Variants in TMX4 observed in about 807,000 individuals in gnomAD.
TMX4 encodes the protein thioredoxin-related transmembrane protein 4.
Under a neutral mutation model 33.3 loss-of-function variants are expected in TMX4, and 23 were observed. That is an observed-to-expected ratio of 0.69 (90% CI 0.50 to 0.98). The LOEUF (loss-of-function observed/expected upper bound fraction) is 0.98. TMX4 is among the 50% of genes least tolerant of loss of function. TMX4 has a pLI of 0.00. For synonymous variants in TMX4, 164 were observed against 161.5 expected, an observed-to-expected ratio of 1.02 and a Z score of -0.12; for missense variants, 399 against 448.9, an observed-to-expected ratio of 0.89 and a Z score of 1.01.
chr20:8,011,515 T>C (rs1015504228), intron 1 of TMX4, among the ~76,000 whole-genome samples: 1 of 151,766 alleles, frequency 6.6e-6, no homozygotes, highest in South Asian at 2.1e-4. Context: ...TAAACCAACT[T>C]TGCTGAATAA....
intron 6 of TMX4, among the ~76,000 whole-genome samples, chr20:7,985,186 GTTTAC>G (rs989374494): frequency 5.3e-5 from 8 of 150,752 alleles, no homozygotes; most frequent in African/African-American, 1.7e-4. Context: ...GCAGTTGTGT[GTTTAC>G]TTTAATATAC....
chr20:8,008,842 T>C (rs565089517), intron 2 of TMX4, among the ~76,000 whole-genome samples: 2 of 152,338 alleles, frequency 1.3e-5, no homozygotes, highest in South Asian at 2.1e-4. Context: ...TAGCTTTTAT[T>C]GTCCATCTCT....
chr20:8,009,289 G>T (rs1049149997), intron 2 of TMX4, among the ~76,000 whole-genome samples: 1 of 151,896 alleles, frequency 6.6e-6, no homozygotes, highest in African/African-American at 2.4e-5. Context: ...CCACTCTTTG[G>T]GGTAAAAATG....
intron 5 of TMX4, among the ~76,000 whole-genome samples, chr20:7,992,772 C>T (rs924574753): frequency 6.6e-6 from 1 of 152,166 alleles, no homozygotes; most frequent in Non-Finnish European, 1.5e-5. Flanking sequence ...ACCCAAGCCC[C>T]TTAAGGAATC....
At chr20:7,997,879 T>C (rs77166379) in intron 4 of TMX4, among the ~76,000 whole-genome samples, 2,085 of 152,272 alleles carry the variant, frequency 0.014, 55 homozygotes, top group East Asian at 0.064. Context: ...GAGTGGATCA[T>C]GGGGGCGGAT....
rs1568534252 is a variant in TMX4, at chr20:7,989,566, G to A, written c.514-2177C>T. ...TCTTGTATCAATTTCCTCTTTAACG[G>A]AATTTGAGTTTCTTGGAGAAACTCT... On this transcript the variant is annotated intron_variant, in intron 5 of 7. Transcript: ENST00000246024. Among the ~76,000 whole-genome samples, 3 of 151,898 alleles carry A rather than the reference G, an allele frequency of 2.0e-5. No individual in the cohort carries two copies. The South Asian group carries it at 6.2e-4, about 32-fold the overall frequency.
chr20:8,014,601 T>C (rs927526796), intron 1 of TMX4, among the ~76,000 whole-genome samples: 1 of 152,184 alleles, frequency 6.6e-6, no homozygotes, highest in Admixed American at 6.5e-5. Context: ...TCAATAAATG[T>C]GTAATTACTG....
intron 5 of TMX4, among the ~76,000 whole-genome samples, chr20:7,992,272 A>C (rs2050658396): frequency 6.6e-6 from 1 of 152,240 alleles, no homozygotes; most frequent in Admixed American, 6.5e-5. Flanking sequence ...CAGTGACTCC[A>C]TCTGTGAGAT....
At chr20:8,002,898 A>T (rs76465546) in intron 2 of TMX4, among the ~76,000 whole-genome samples, 2,090 of 152,328 alleles carry the variant, frequency 0.014, 54 homozygotes, top group East Asian at 0.065. Flanking sequence ...TAAAAGTCAA[A>T]GTCACAAAAA....
chr20:7,987,163 T>C (rs2050634310), intron 6 of TMX4, 125 bp downstream of exon 6: 3 of 670,778 alleles, frequency 4.5e-6, no homozygotes, highest in Non-Finnish European at 7.6e-6. Context: ...AAGCAAATGC[T>C]ATTTAACTAC....
At chr20:8,006,520 G>A (rs1236084221) in intron 2 of TMX4, among the ~76,000 whole-genome samples, 1 of 152,076 alleles carries the variant, frequency 6.6e-6, no homozygotes, top group East Asian at 1.9e-4. Context: ...CAACTGTGGG[G>A]AAAAATAATA....
chr20:8,009,022 A>G (rs925668158), intron 2 of TMX4, among the ~76,000 whole-genome samples: 1 of 152,300 alleles, frequency 6.6e-6, no homozygotes, highest in Admixed American at 6.5e-5. Flanking sequence ...ACAGTTTATT[A>G]TAGAAAATGA....
intron 5 of TMX4, among the ~76,000 whole-genome samples, chr20:7,993,829 C>T (rs6055443): frequency 0.058 from 8,863 of 151,894 alleles, 825 homozygotes; most frequent in African/African-American, 0.2. Flanking sequence ...GTATCATTTG[C>T]GTTCTTTTAT....
chr20:7,994,162 T>G (rs947640930), intron 5 of TMX4, among the ~76,000 whole-genome samples: 6 of 152,154 alleles, frequency 3.9e-5, no homozygotes, highest in African/African-American at 1.4e-4. Context: ...AAATTTTAGT[T>G]TATCTTATAA....
chr20:8,008,505 T>C (rs2050739630), intron 2 of TMX4, among the ~76,000 whole-genome samples: 1 of 152,174 alleles, frequency 6.6e-6, no homozygotes, highest in South Asian at 2.1e-4. Context: ...AAAATAACTG[T>C]AAGTCTACAT....
At chr20:7,989,104 C>CA (rs2050643186) in intron 5 of TMX4, among the ~76,000 whole-genome samples, 1 of 151,568 alleles carries the variant, frequency 6.6e-6, no homozygotes, top group Non-Finnish European at 1.5e-5. Context: ...TCATTTCATT[C>CA]AAACTCTTTT....
intron 2 of TMX4, among the ~76,000 whole-genome samples, chr20:8,005,748 C>T (rs1256447651): frequency 1.3e-5 from 2 of 152,112 alleles, no homozygotes; most frequent in East Asian, 3.9e-4. Flanking sequence ...AAGAACACAC[C>T]AGCAGACACT....
intron 3 of TMX4, among the ~76,000 whole-genome samples, chr20:8,000,858 C>CT (rs756835158): frequency 3.0e-4 from 46 of 152,262 alleles, no homozygotes; most frequent in Non-Finnish European, 6.0e-4. Flanking sequence ...ATTTTTGTCT[C>CT]TATCTTCCAA....
chr20:7,997,355 A>G (rs1600143413), intron 4 of TMX4, among the ~76,000 whole-genome samples: 1 of 152,146 alleles, frequency 6.6e-6, no homozygotes, highest in Non-Finnish European at 1.5e-5. Flanking sequence ...GTGAGATATG[A>G]TAAGGTTTCC....
Sources: allele counts gnomAD v4.1 joint callset (sites outside exome capture counted in the v4.1 genomes callset), GRCh38; gene constraint gnomAD v4.1.1; transcripts MANE v1.5; gene names NCBI Gene and HGNC (gene_info 2026-07-23, HGNC 2026-07-21).